Variants in PRKACB observed in about 807,000 individuals in gnomAD.
The protein encoded by PRKACB is protein kinase cAMP-activated catalytic subunit beta.
A neutral mutation model predicts 51.4 loss-of-function variants in PRKACB; 16 were observed. The ratio of observed to expected loss-of-function variants is 0.31; its 90% CI spans 0.21 to 0.47. The LOEUF (loss-of-function observed/expected upper bound fraction) is 0.47, where lower values mean the gene tolerates loss of function less well. Ranked by LOEUF, PRKACB falls within the 20% of genes least tolerant of loss-of-function variation. The pLI, the probability that PRKACB is intolerant of heterozygous loss-of-function variation, is 1.00. For synonymous variants in PRKACB, 147 were observed against 154.4 expected (o/e 0.95, Z 0.35); for missense variants, 309 against 464.5 (o/e 0.67, Z 3.08).
At chr1:84,122,622 A>G (rs979272562) in intron 1 of PRKACB, among the ~76,000 whole-genome samples, 2 of 152,182 alleles carry the variant, frequency 1.3e-5, no homozygotes, top group Admixed American at 6.6e-5. Context: ...AGTAATTATG[A>G]TTGAACTTAC....
At chr1:84,179,272 A>C in intron 2 of PRKACB, 34 bp downstream of exon 2, 1 of 1,514,412 alleles carries the variant, frequency 6.6e-7, no homozygotes, top group Non-Finnish European at 8.8e-7. Flanking sequence ...AAAATTAAAA[A>C]TCTTGTATTA....
At chr1:84,087,775 A>T (rs1648132658) in intron 1 of PRKACB, among the ~76,000 whole-genome samples, 2 of 152,132 alleles carry the variant, frequency 1.3e-5, no homozygotes, top group Admixed American at 1.3e-4. Flanking sequence ...TCTTGCTAAT[A>T]CTAAGGTTTA....
intron 1 of PRKACB, among the ~76,000 whole-genome samples, chr1:84,101,742 A>G (rs1649367050): frequency 6.6e-6 from 1 of 152,220 alleles, no homozygotes; most frequent in Admixed American, 6.5e-5. Flanking sequence ...TGAGCATAAA[A>G]TTTAGCACTA....
chr1:84,210,611 A>G (rs1435098539), intron 8 of PRKACB, among the ~76,000 whole-genome samples: 1 of 152,178 alleles, frequency 6.6e-6, no homozygotes, highest in Non-Finnish European at 1.5e-5. Context: ...TCTAGCTCCA[A>G]TATTAGAAGA....
At chr1:84,153,252 T>C (rs942947795) in intron 1 of PRKACB, among the ~76,000 whole-genome samples, 3 of 152,088 alleles carry the variant, frequency 2.0e-5, no homozygotes, top group South Asian at 4.2e-4. Flanking sequence ...ATAACAGATA[T>C]AATAATAATG....
chr1:84,155,887 T>TATA (rs1358070477), intron 1 of PRKACB, among the ~76,000 whole-genome samples: 1 of 152,182 alleles, frequency 6.6e-6, no homozygotes, highest in Non-Finnish European at 1.5e-5. Flanking sequence ...GGTCTTTTCT[T>TATA]AGAGTCTTCG....
At chr1:84,123,359 G>A (rs1193857756) in intron 1 of PRKACB, among the ~76,000 whole-genome samples, 1 of 152,120 alleles carries the variant, frequency 6.6e-6, no homozygotes, top group Non-Finnish European at 1.5e-5. Flanking sequence ...GAGTGATATA[G>A]AAATGAAAGT....
intron 5 of PRKACB, among the ~76,000 whole-genome samples, chr1:84,194,340 C>A (rs184500313): frequency 6.6e-6 from 1 of 152,252 alleles, no homozygotes; most frequent in Admixed American, 6.5e-5. Flanking sequence ...TGAAGGAATT[C>A]ACACTGAGAC....
At chr1:84,097,427 T>C (rs778330700) in intron 1 of PRKACB, among the ~76,000 whole-genome samples, 2 of 151,976 alleles carry the variant, frequency 1.3e-5, no homozygotes, top group Non-Finnish European at 2.9e-5. Flanking sequence ...CCATCCTTGG[T>C]ATTGACAGGT....
intron 1 of PRKACB, among the ~76,000 whole-genome samples, chr1:84,115,159 A>G (rs558489913): frequency 9.2e-5 from 14 of 151,946 alleles, no homozygotes; most frequent in African/African-American, 1.4e-4. Flanking sequence ...ACAAAAATGT[A>G]TAAGAATTCC....
intron 1 of PRKACB, among the ~76,000 whole-genome samples, chr1:84,164,109 T>C (rs953578499): frequency 9.9e-5 from 15 of 152,068 alleles, no homozygotes; most frequent in African/African-American, 3.6e-4. Flanking sequence ...AATGGAAGTT[T>C]ACAAATAAGT....
chr1:84,090,366 T>C (rs542328873), intron 1 of PRKACB, among the ~76,000 whole-genome samples: 8 of 152,340 alleles, frequency 5.3e-5, no homozygotes, highest in African/African-American at 1.7e-4. Flanking sequence ...TTGTCTGTTA[T>C]ATTTATCTAT....
chr1:84,144,238 T>A (rs535443683), upstream of PRKACB: 1 of 1,476,354 alleles, frequency 6.8e-7, no homozygotes, highest in East Asian at 2.5e-5. Flanking sequence ...ACAGCAGTAG[T>A]GGTTTGAATA....
Position 84,136,490 on chromosome 1 carries a change from C to CCACACACACACACACACACA in PRKACB, c.47-42677_47-42658dup, listed in dbSNP as rs60681226. ...TGTACACTTACTAGAACGGCCAAAA[C>CCACACACACACACACACACA]CACACACACACACACACACACACAC... On this transcript the variant is annotated intron_variant, in intron 1 of 8. Transcript: ENST00000370688. 1.5e-3 allele frequency among the ~76,000 whole-genome samples: 215 copies of CCACACACACACACACACACA among 146,714 alleles called. 1 individual carries two copies. Among genetic ancestry groups the CCACACACACACACACACACA allele is most frequent in the Middle Eastern group, 3.5e-3 (1 of 282 alleles).
chr1:84,107,989 G>A (rs1649920796), intron 1 of PRKACB, among the ~76,000 whole-genome samples: 2 of 152,032 alleles, frequency 1.3e-5, no homozygotes, highest in Non-Finnish European at 2.9e-5. Context: ...TATATCCTGA[G>A]GAATAGAAAT....
intron 1 of PRKACB, among the ~76,000 whole-genome samples, chr1:84,152,192 G>A (rs559208338): frequency 1.3e-5 from 2 of 152,298 alleles, no homozygotes; most frequent in African/African-American, 4.8e-5. Context: ...CTTTTTCTGA[G>A]TGGTTCCCAA....
At chr1:84,167,498 G>A (rs1657894262) in intron 1 of PRKACB, among the ~76,000 whole-genome samples, 1 of 151,462 alleles carries the variant, frequency 6.6e-6, no homozygotes, top group African/African-American at 2.4e-5. Context: ...GGAATTAGGT[G>A]ATTTCTCTGT....
At position 84,199,512 on chromosome 1, in the gene PRKACB, G is replaced by A. The variant is rs574627891; in HGVS notation, c.783+1688G>A. ...CCTTTTTATAGCTGCATAGTATTCC[G>A]TAGTGTATATGTACCACATTTTCTT... On this transcript the variant is annotated intron_variant, in intron 7 of 9. Transcript: ENST00000370685. Among the ~76,000 whole-genome samples, 30 of 152,182 alleles carry A rather than the reference G, an allele frequency of 2.0e-4. No homozygotes were observed. The South Asian group carries it at 2.7e-3, about 14-fold the overall frequency.
intron 1 of PRKACB, among the ~76,000 whole-genome samples, chr1:84,105,402 A>G (rs900197116): frequency 7.9e-5 from 12 of 152,174 alleles, no homozygotes; most frequent in Non-Finnish European, 1.6e-4. Flanking sequence ...AGCATATCAA[A>G]CTATTTTTCT....
Sources: gnomAD v4.1 joint callset for allele counts (sites outside exome capture counted in the v4.1 genomes callset) on GRCh38, gnomAD v4.1.1 for gene constraint, MANE v1.5 for transcripts, NCBI Gene and HGNC (gene_info 2026-07-23, HGNC 2026-07-21) for gene names.